Variants in MACROD2 observed in about 807,000 individuals in gnomAD.
MACROD2 encodes the protein ADP-ribose glycohydrolase MACROD2.
MACROD2 carries 36 observed loss-of-function variants against 70.4 expected under a neutral mutation model. The observed-to-expected ratio is 0.51, with a 90% CI of 0.39 to 0.68. The LOEUF (loss-of-function observed/expected upper bound fraction) is 0.68. Among genes scored for constraint, MACROD2 ranks in the 30% least tolerant of loss-of-function variants. MACROD2 has a pLI of 0.00. For missense variants in MACROD2, 496 were observed against 538.4 expected (o/e 0.92, Z 0.78); for synonymous variants, 172 against 178.8 (o/e 0.96, Z 0.30).
intron 5 of MACROD2, among the ~76,000 whole-genome samples, chr20:14,918,191 G>T (rs927972920): frequency 1.3e-5 from 2 of 152,076 alleles, no homozygotes; most frequent in South Asian, 2.1e-4. Flanking sequence ...GCCCAGGCTG[G>T]TCTCAAACTC....
chr20:14,979,468 CAAGA>C (rs1396707268), intron 5 of MACROD2, among the ~76,000 whole-genome samples: 9 of 152,076 alleles, frequency 5.9e-5, no homozygotes, highest in Non-Finnish European at 5.9e-5. Context: ...TTGTTGACAG[CAAGA>C]GAGAAAGAAA....
In MACROD2 at chr20:14,617,991, G is replaced by A. The variant is rs575695535; in HGVS notation, c.302-66852G>A. 6.6e-5 allele frequency among the ~76,000 whole-genome samples: 10 copies of A among 152,182 alleles called. No homozygotes were observed. The South Asian group carries it at 1.0e-3, about 16-fold the overall frequency. ...GTTTCTTCAATCTCTCTTCTTTTGC[G>A]GAAAGAAGGATGTCATCCTGACTAA... On this transcript the variant is annotated intron_variant, in intron 4 of 17. Coordinates refer to ENST00000684519, the MANE Select transcript of MACROD2 (RefSeq NM_001351661.2).
chr20:15,376,682 A>G (rs1000613560), intron 6 of MACROD2, among the ~76,000 whole-genome samples: 6 of 152,188 alleles, frequency 3.9e-5, no homozygotes, highest in Admixed American at 3.9e-4. Context: ...AGGGGATTAT[A>G]AAATGTTAAT....
In MACROD2 at chr20:16,031,813, A is replaced by G. The variant is rs560948045; in HGVS notation, c.1154-9388A>G. On this transcript the variant is annotated intron_variant, in intron 15 of 17. Coordinates refer to ENST00000684519, the MANE Select transcript of MACROD2 (RefSeq NM_001351661.2). ...TATTTATGTAGAAAATAAAAAGGCC[A>G]GACTGCAGAGAATAGAAAGTATCAT... Among the ~76,000 whole-genome samples, 3 of 152,184 alleles carry G rather than the reference A, an allele frequency of 2.0e-5. No homozygotes were observed. In the South Asian group the frequency reaches 6.2e-4, roughly 31 times the overall value.
intron 5 of MACROD2, among the ~76,000 whole-genome samples, chr20:14,930,766 TAAAAAAAAAAAA>T (rs11474347): frequency 2.8e-5 from 2 of 71,642 alleles, no homozygotes; most frequent in African/African-American, 1.1e-4. Context: ...GAGCGTGTCT[TAAAAAAAAAAAA>T]AAAAAAAAAA....
At position 15,295,897 on chromosome 20, in the gene MACROD2, C is replaced by A. The variant is rs752519442; in HGVS notation, c.540+65836C>A. 1.3e-5 allele frequency among the ~76,000 whole-genome samples: 2 copies of A among 152,140 alleles called. 1 individual carries two copies. The highest frequency in any genetic ancestry group is 4.1e-4 in the South Asian group (2 of 4,826). ...TGCACCTGACTTATCACGAGACCCTCGGCTAATAGAAAAATGCAAGTTAGC... is the reference window on the plus strand; with the variant it reads ...TGCACCTGACTTATCACGAGACCCTAGGCTAATAGAAAAATGCAAGTTAGC... On this transcript the variant is annotated intron_variant, in intron 6 of 17. Coordinates refer to ENST00000684519, the MANE Select transcript of MACROD2 (RefSeq NM_001351661.2).
intron 2 of MACROD2, among the ~76,000 whole-genome samples, chr20:14,060,773 T>C (rs931877403): frequency 6.6e-6 from 1 of 152,214 alleles, no homozygotes; most frequent in Admixed American, 6.5e-5. Flanking sequence ...CAGATGTGCA[T>C]AGGACTGGTA....
chr20:14,292,674 G>A (rs962412742), intron 3 of MACROD2, among the ~76,000 whole-genome samples: 5 of 151,758 alleles, frequency 3.3e-5, no homozygotes, highest in Admixed American at 6.6e-5. Flanking sequence ...CACTCTTGTC[G>A]CCCAGGCTGG....
chr20:15,440,419 A>G (rs904127653), intron 7 of MACROD2, among the ~76,000 whole-genome samples: 7 of 152,186 alleles, frequency 4.6e-5, no homozygotes, highest in Admixed American at 3.9e-4. Flanking sequence ...TCTTTCTGCT[A>G]TCCACCACAT....
At chr20:15,390,702 A>G (rs1454408760) in intron 6 of MACROD2, among the ~76,000 whole-genome samples, 1 of 152,248 alleles carries the variant, frequency 6.6e-6, no homozygotes, top group African/African-American at 2.4e-5. Context: ...AGCATTAAAA[A>G]AAATCTGTAG....
intron 5 of MACROD2, among the ~76,000 whole-genome samples, chr20:15,058,046 AT>A (rs1198304267): frequency 6.6e-6 from 1 of 152,158 alleles, no homozygotes; most frequent in African/African-American, 2.4e-5. Context: ...TCTGAAGTTG[AT>A]TTAAAGTTCA....
intron 5 of MACROD2, among the ~76,000 whole-genome samples, chr20:14,805,216 C>T (rs1004530226): frequency 5.9e-5 from 9 of 152,044 alleles, no homozygotes; most frequent in Non-Finnish European, 8.8e-5. Context: ...ATGCTTTCTA[C>T]TTCCTTAAGG....
At chr20:15,652,726 C>CTT (rs768477236) in intron 8 of MACROD2, among the ~76,000 whole-genome samples, 3 of 146,512 alleles carry the variant, frequency 2.0e-5, no homozygotes, top group Non-Finnish European at 3.0e-5. Flanking sequence ...TTTCCTAGCT[C>CTT]TTTTTTTTTT....
intron 5 of MACROD2, among the ~76,000 whole-genome samples, chr20:14,720,586 G>T (rs892277787): frequency 2.3e-5 from 2 of 88,080 alleles, no homozygotes; most frequent in Admixed American, 1.7e-4. Context: ...GCAGAGTCTC[G>T]CTCTGTTGCC....
chr20:15,839,305 G>A (rs896199513), intron 8 of MACROD2, among the ~76,000 whole-genome samples: 3 of 152,166 alleles, frequency 2.0e-5, no homozygotes, highest in South Asian at 2.1e-4. Flanking sequence ...ATTGGCCCCC[G>A]TTCTCAGTGG....
intron 5 of MACROD2, among the ~76,000 whole-genome samples, chr20:14,704,129 A>G (rs1216361062): frequency 6.6e-6 from 1 of 152,102 alleles, no homozygotes; most frequent in African/African-American, 2.4e-5. Context: ...GTATTTTCTT[A>G]TGATTTCTTC....
At chr20:14,925,234 C>CTTTCT (rs2074215467) in intron 5 of MACROD2, among the ~76,000 whole-genome samples, 1 of 152,042 alleles carries the variant, frequency 6.6e-6, no homozygotes, top group South Asian at 2.1e-4. Context: ...TTTTCAAATG[C>CTTTCT]TTTCTTTATA....
chr20:15,746,963 A>G (rs77381703), intron 8 of MACROD2, among the ~76,000 whole-genome samples: 3,148 of 152,258 alleles, frequency 0.021, 98 homozygotes, highest in African/African-American at 0.07. Flanking sequence ...GTTCATTTGG[A>G]ATGGCACCAT....
chr20:15,198,793 T>C (rs1245616294), intron 5 of MACROD2, among the ~76,000 whole-genome samples: 2 of 152,192 alleles, frequency 1.3e-5, no homozygotes, highest in African/African-American at 4.8e-5. Context: ...AGAGACTCCG[T>C]AGAGTGTAGC....
Sources: gnomAD v4.1 joint callset for allele counts (sites outside exome capture counted in the v4.1 genomes callset) on GRCh38, gnomAD v4.1.1 for gene constraint, MANE v1.5 for transcripts, NCBI Gene and HGNC (gene_info 2026-07-23, HGNC 2026-07-21) for gene names.